Variants in PRKCQ observed in about 807,000 individuals in gnomAD.
PRKCQ encodes the protein protein kinase C theta, also known as protein kinase C theta type.
PRKCQ carries 41 observed loss-of-function variants against 91.2 expected under a neutral mutation model. The observed-to-expected ratio is 0.45, with a 90% CI of 0.35 to 0.58. PRKCQ has a LOEUF of 0.58. Ranked by LOEUF, PRKCQ falls within the 20% of genes least tolerant of loss-of-function variation. PRKCQ has a pLI of 0.00. For missense variants in PRKCQ, 673 were observed against 896.5 expected (o/e 0.75, Z 3.18); for synonymous variants, 307 against 316.9 (o/e 0.97, Z 0.33).
intron 4 of PRKCQ, among the ~76,000 whole-genome samples, chr10:6,499,070 A>G (rs968146208): frequency 6.6e-6 from 1 of 152,020 alleles, no homozygotes; most frequent in Non-Finnish European, 1.5e-5. Flanking sequence ...GACTAGGGGG[A>G]GCTGACCAGG....
the PRKCQ span, among the ~76,000 whole-genome samples, chr10:6,403,129 C>T: frequency 6.6e-6 from 1 of 152,194 alleles, no homozygotes; most frequent in South Asian, 2.1e-4. Context: ...GGAAGCCAGG[C>T]ATAGCACCGG....
intron 1 of PRKCQ, among the ~76,000 whole-genome samples, chr10:6,517,355 T>G (rs1838806234): frequency 6.6e-6 from 1 of 151,552 alleles, no homozygotes; most frequent in South Asian, 2.1e-4. Flanking sequence ...TTTTTTTTCT[T>G]ACATGCTATG....
At chr10:6,455,798 T>C (rs1834970610) in intron 15 of PRKCQ, among the ~76,000 whole-genome samples, 1 of 152,208 alleles carries the variant, frequency 6.6e-6, no homozygotes, top group Non-Finnish European at 1.5e-5. Flanking sequence ...TGGGGGAAAC[T>C]GGATGAAGGG....
At chr10:6,508,547 C>T (rs531772377) in intron 3 of PRKCQ, among the ~76,000 whole-genome samples, 1 of 152,354 alleles carries the variant, frequency 6.6e-6, no homozygotes, top group Non-Finnish European at 1.5e-5. Flanking sequence ...AATAAGCTTG[C>T]ATTGCTGCAA....
At chr10:6,434,301 A>T (rs1278246488) in intron 16 of PRKCQ, among the ~76,000 whole-genome samples, 2 of 152,176 alleles carry the variant, frequency 1.3e-5, no homozygotes, top group African/African-American at 4.8e-5. Flanking sequence ...TATTTCTTCC[A>T]GTGAACATGT....
chr10:6,562,230 G>A (rs532336676), intron 1 of PRKCQ, among the ~76,000 whole-genome samples: 3 of 152,220 alleles, frequency 2.0e-5, no homozygotes, highest in East Asian at 1.9e-4. Context: ...TAAATGCCCC[G>A]GTCAGTGCTG....
rs577054585 is a variant in PRKCQ at position 6,528,810 on chromosome 10, G to A, written c.-9-13666C>T. ...ATGCATAGAGTTTTCGCTGTAGACT[G>A]TTTCTGTCTGCTCCCACCTGTCCCT... On this transcript the variant is annotated intron_variant, in intron 1 of 17. Transcript: ENST00000263125. Among the ~76,000 whole-genome samples the A allele has an allele frequency of 1.2e-4, 19 of 152,368 alleles. No homozygotes were observed. In the South Asian group the frequency reaches 3.9e-3, roughly 32 times the overall value.
At chr10:6,457,111 C>T (rs540527429) in intron 14 of PRKCQ, among the ~76,000 whole-genome samples, 49 of 152,166 alleles carry the variant, frequency 3.2e-4, no homozygotes, top group Middle Eastern at 3.4e-3. Context: ...AGGGTAATGA[C>T]GAAGGAGGAA....
chr10:6,538,620 T>C (rs60634280), intron 1 of PRKCQ, among the ~76,000 whole-genome samples: 1,599 of 152,270 alleles, frequency 0.011, 26 homozygotes, highest in African/African-American at 0.037. Context: ...TGATGTCACA[T>C]TGACGTCACC....
At chr10:6,481,347 A>C (rs1238834427) in intron 11 of PRKCQ, among the ~76,000 whole-genome samples, 1 of 152,266 alleles carries the variant, frequency 6.6e-6, no homozygotes, top group Admixed American at 6.5e-5. Context: ...AAAACACCCT[A>C]AAACCAGCCA....
At position 6,437,676 on chromosome 10, in the gene PRKCQ, G is replaced by A. The variant is rs183543192; in HGVS notation, c.1836+4217C>T. 2.9e-3 allele frequency among the ~76,000 whole-genome samples: 440 copies of A among 151,842 alleles called. 1 individual carries two copies. Among genetic ancestry groups the A allele is most frequent in the Middle Eastern group, 0.01 (3 of 294 alleles). On this transcript the variant is annotated intron_variant, in intron 16 of 17. Coordinates refer to ENST00000263125, the MANE Select transcript of PRKCQ (RefSeq NM_006257.5). ...TTTTATTTTTTATTTTTTTGAGATG[G>A]AGTCTTGCTCTGTCGCCCAGGCTGG...
intron 1 of PRKCQ, among the ~76,000 whole-genome samples, chr10:6,565,863 T>G (rs1840818337): frequency 6.6e-6 from 1 of 152,166 alleles, no homozygotes; most frequent in South Asian, 2.1e-4. Context: ...CAAAGTAGAG[T>G]AATTCACGTT....
At chr10:6,519,817 A>C (rs1421843869) in intron 1 of PRKCQ, among the ~76,000 whole-genome samples, 1 of 152,184 alleles carries the variant, frequency 6.6e-6, no homozygotes, top group Non-Finnish European at 1.5e-5. Flanking sequence ...AAATATGTAT[A>C]GATTTTTCCC....
At chr10:6,558,069 C>A (rs545711296) in intron 1 of PRKCQ, among the ~76,000 whole-genome samples, 5 of 152,156 alleles carry the variant, frequency 3.3e-5, no homozygotes, top group African/African-American at 1.2e-4. Context: ...CACCCCTACA[C>A]GGGCCATGTG....
At chr10:6,412,330 T>C in the PRKCQ span, among the ~76,000 whole-genome samples, 1 of 152,214 alleles carries the variant, frequency 6.6e-6, no homozygotes. Context: ...AAATTTATCA[T>C]CCTCAAATCA....
chr10:6,553,521 AC>A (rs1433366096), intron 1 of PRKCQ, among the ~76,000 whole-genome samples: 47 of 146,132 alleles, frequency 3.2e-4, no homozygotes, highest in African/African-American at 1.2e-3. Flanking sequence ...AAAAAAACAA[AC>A]AAACAAAAGA....
chr10:6,554,676 T>A (rs952292970), intron 1 of PRKCQ, among the ~76,000 whole-genome samples: 49 of 152,204 alleles, frequency 3.2e-4, no homozygotes, highest in African/African-American at 1.1e-3. Flanking sequence ...TTTCTTTCAA[T>A]AAGTCTTTTA....
intron 12 of PRKCQ, among the ~76,000 whole-genome samples, chr10:6,468,657 G>A (rs1370966872): frequency 2.6e-5 from 4 of 152,126 alleles, no homozygotes; most frequent in East Asian, 1.9e-4. Context: ...TTTTTTCTCC[G>A]AAGGCTAGTA....
At chr10:6,404,258 G>GAGAGAGAC in the PRKCQ span, among the ~76,000 whole-genome samples, 1 of 118,660 alleles carries the variant, frequency 8.4e-6, no homozygotes, top group African/African-American at 4.4e-5. Flanking sequence ...GGGGGGGGGA[G>GAGAGAGAC]AGAGAGAGAG....
Sources: allele counts gnomAD v4.1 joint callset (sites outside exome capture counted in the v4.1 genomes callset), GRCh38; gene constraint gnomAD v4.1.1; transcripts MANE v1.5; gene names NCBI Gene and HGNC (gene_info 2026-07-23, HGNC 2026-07-21).